The following SH3GL2 variants were observed in gnomAD, a reference collection of about 807,000 sequenced individuals.
The protein encoded by SH3GL2 is endophilin-A1.
Under a neutral mutation model 46.0 loss-of-function variants are expected in SH3GL2, and 24 were observed. The observed-to-expected ratio is 0.52, with a 90% confidence interval of 0.38 to 0.73. The LOEUF is 0.73. Among genes scored for constraint, SH3GL2 ranks in the 30% least tolerant of loss-of-function variants. SH3GL2 has a pLI of 0.00. For missense variants in SH3GL2, 413 were observed against 424.2 expected, an observed-to-expected ratio of 0.97 and a Z score of 0.23; for synonymous variants, 196 against 147.1, an observed-to-expected ratio of 1.33 and a Z score of -2.40.
intron 1 of SH3GL2, among the ~76,000 whole-genome samples, chr9:17,675,100 TG>T (rs879660615): frequency 5.3e-5 from 8 of 152,218 alleles, no homozygotes; most frequent in Admixed American, 1.3e-4. Flanking sequence ...GAGCATTTTT[TG>T]TACATTGTTG....
At chr9:17,709,099 G>T (rs1290486261) in intron 1 of SH3GL2, among the ~76,000 whole-genome samples, 1 of 151,966 alleles carries the variant, frequency 6.6e-6, no homozygotes, top group Admixed American at 6.6e-5. Context: ...TTTCTAATGT[G>T]GGTAAAATGT....
At chr9:17,666,129 C>G (rs1233241792) in intron 1 of SH3GL2, among the ~76,000 whole-genome samples, 1 of 151,768 alleles carries the variant, frequency 6.6e-6, no homozygotes, top group African/African-American at 2.4e-5. Flanking sequence ...TTAGTGTTTG[C>G]TTATGGTTCT....
At chr9:17,654,711 C>T (rs1169154895) in intron 1 of SH3GL2, among the ~76,000 whole-genome samples, 1 of 152,014 alleles carries the variant, frequency 6.6e-6, no homozygotes, top group Non-Finnish European at 1.5e-5. Flanking sequence ...CTGTATGAAC[C>T]AGTAGCTAGT....
chr9:17,701,220 C>G (rs1164994698), intron 1 of SH3GL2, among the ~76,000 whole-genome samples: 1 of 152,160 alleles, frequency 6.6e-6, no homozygotes, highest in Non-Finnish European at 1.5e-5. Flanking sequence ...CCAGAGGAAT[C>G]AGACTGACTA....
rs557141344 is a variant in SH3GL2 at position 17,787,280 on chromosome 9, C to T, written c.332-100C>T. ...TCTCTTGTCTGTTGTCTTTAGAAGACAAGTGGTAATCCTTTGGGTTTTCAT... is the reference window on the plus strand; with the variant it reads ...TCTCTTGTCTGTTGTCTTTAGAAGATAAGTGGTAATCCTTTGGGTTTTCAT... On this transcript the variant is annotated intron_variant, in intron 4 of 8. Transcript: ENST00000380607. 6.8e-5 allele frequency: 62 copies of T among 907,070 alleles called. 1 individual carries two copies. In the African/African-American group the frequency reaches 9.0e-4, roughly 13 times the overall value. 56.2% of individuals were successfully genotyped at this position (907,070 alleles called of 1,614,324 possible).
At chr9:17,721,187 G>A (rs1262420887) in intron 1 of SH3GL2, among the ~76,000 whole-genome samples, 1 of 151,930 alleles carries the variant, frequency 6.6e-6, no homozygotes, top group Non-Finnish European at 1.5e-5. Flanking sequence ...CTTAGAAGTG[G>A]ACCCACCCAC....
chr9:17,767,044 C>G (rs1233433885), intron 3 of SH3GL2, among the ~76,000 whole-genome samples: 1 of 152,146 alleles, frequency 6.6e-6, no homozygotes, highest in East Asian at 1.9e-4. Flanking sequence ...TGAGAGAGGC[C>G]TTTTCAGTTT....
chr9:17,715,477 A>G (rs1003368260), intron 1 of SH3GL2, among the ~76,000 whole-genome samples: 33 of 151,728 alleles, frequency 2.2e-4, no homozygotes, highest in African/African-American at 8.0e-4. Flanking sequence ...ATATTGTCCT[A>G]TATCTCACTG....
rs138040104 is a variant in SH3GL2, at chr9:17,649,029, A to G, written c.45+69742A>G. Among the ~76,000 whole-genome samples the G allele has an allele frequency of 2.9e-4, 44 of 152,306 alleles. No homozygotes were observed. In the East Asian group the frequency reaches 7.9e-3, roughly 27 times the overall value. ...TGTGTGAGTGCATGTGTATAAAAAT[A>G]AGTCTGTCAATGTGGGCTTTTTTTC... is the stretch of plus-strand genomic sequence containing the variant. On this transcript the variant is annotated intron_variant, in intron 1 of 8. Coordinates refer to ENST00000380607, the MANE Select transcript of SH3GL2 (RefSeq NM_003026.5).
intron 1 of SH3GL2, among the ~76,000 whole-genome samples, chr9:17,700,948 G>GT (rs1322981596): frequency 1.3e-5 from 2 of 152,202 alleles, no homozygotes; most frequent in Non-Finnish European, 1.5e-5. Context: ...TCTTAGAGAG[G>GT]TGGATGGACC....
intron 1 of SH3GL2, among the ~76,000 whole-genome samples, chr9:17,595,965 C>A (rs1463936692): frequency 1.3e-5 from 2 of 152,004 alleles, no homozygotes; most frequent in African/African-American, 4.8e-5. Flanking sequence ...TCTATATTTT[C>A]TTTCTTATCT....
intron 3 of SH3GL2, 88 bp from the exon 4 acceptor site, chr9:17,786,293 G>T: frequency 1.6e-6 from 2 of 1,248,136 alleles, no homozygotes; most frequent in African/African-American, 1.5e-5. Flanking sequence ...TACTTTGTAG[G>T]CTGCTCTGAG....
intron 1 of SH3GL2, among the ~76,000 whole-genome samples, chr9:17,704,513 G>A (rs10429596): frequency 0.15 from 23,101 of 151,814 alleles, 2,708 homozygotes; most frequent in African/African-American, 0.31. Flanking sequence ...TGGAGGCATC[G>A]CATTACCTGA....
intron 2 of SH3GL2, among the ~76,000 whole-genome samples, chr9:17,760,905 T>C (rs2131150882): frequency 6.6e-6 from 1 of 152,182 alleles, no homozygotes; most frequent in East Asian, 1.9e-4. Flanking sequence ...AGAACAAATT[T>C]GGAGGATAGA....
chr9:17,644,983 G>T (rs549843884), intron 1 of SH3GL2, among the ~76,000 whole-genome samples: 36 of 151,858 alleles, frequency 2.4e-4, no homozygotes, highest in Non-Finnish European at 4.3e-4. Flanking sequence ...TCTCTAAGAA[G>T]TTGCTTTATT....
At chr9:17,604,679 G>C (rs779402869) in intron 1 of SH3GL2, among the ~76,000 whole-genome samples, 4 of 152,146 alleles carry the variant, frequency 2.6e-5, no homozygotes, top group Non-Finnish European at 5.9e-5. Context: ...CAGAGCACTT[G>C]GTGAATGGTA....
At chr9:17,741,238 G>A (rs1055888909) in intron 1 of SH3GL2, among the ~76,000 whole-genome samples, 16 of 152,100 alleles carry the variant, frequency 1.1e-4, no homozygotes, top group Non-Finnish European at 2.1e-4. Flanking sequence ...AAAGTATTAT[G>A]TTTATTTTCT....
chr9:17,664,430 C>G (rs10118867), intron 1 of SH3GL2, among the ~76,000 whole-genome samples: 2,867 of 152,156 alleles, frequency 0.019, 104 homozygotes, highest in African/African-American at 0.059. Flanking sequence ...GAGATGCACT[C>G]ACAACTTTAT....
intron 1 of SH3GL2, among the ~76,000 whole-genome samples, chr9:17,651,124 A>C (rs559013378): frequency 3.9e-5 from 6 of 152,294 alleles, no homozygotes; most frequent in Admixed American, 2.6e-4. Flanking sequence ...TTCCTAAGAC[A>C]TAATGAATTT....
Sources: allele counts gnomAD v4.1 joint callset (sites outside exome capture counted in the v4.1 genomes callset), GRCh38; gene constraint gnomAD v4.1.1; transcripts MANE v1.5; gene names NCBI Gene and HGNC (gene_info 2026-07-23, HGNC 2026-07-21).